CSMD1: variants seen among roughly 807,000 people sequenced by gnomAD.
CSMD1 encodes the protein CUB and sushi domain-containing protein 1.
Under a neutral mutation model 417.5 loss-of-function variants are expected in CSMD1, and 213 were observed. The observed-to-expected ratio is 0.51, with a 90% confidence interval of 0.46 to 0.57. The LOEUF (loss-of-function observed/expected upper bound fraction) is 0.57. Ranked by LOEUF, CSMD1 falls within the 20% of genes least tolerant of loss-of-function variation. CSMD1 has a pLI of 0.00. For missense variants in CSMD1, 6,923 were observed against 4,529.7 expected, an observed-to-expected ratio of 1.53 and a Z score of -15.17; for synonymous variants, 2,862 against 1,736.8, an observed-to-expected ratio of 1.65 and a Z score of -16.11.
intron 1 of CSMD1, among the ~76,000 whole-genome samples, chr8:4,638,315 G>C (rs1017025249): frequency 6.6e-6 from 1 of 152,120 alleles, no homozygotes; most frequent in Non-Finnish European, 1.5e-5. Context: ...GCAATATGTG[G>C]TAATAAGAAT....
At chr8:4,096,866 A>G (rs1039246988) in intron 3 of CSMD1, among the ~76,000 whole-genome samples, 2 of 152,182 alleles carry the variant, frequency 1.3e-5, no homozygotes, top group Admixed American at 6.5e-5. Context: ...GGATTCCTGC[A>G]AAGCCATCTT....
chr8:4,410,831 A>AAAC (rs1796613234), intron 3 of CSMD1, among the ~76,000 whole-genome samples: 1 of 152,188 alleles, frequency 6.6e-6, no homozygotes, highest in Non-Finnish European at 1.5e-5. Flanking sequence ...GTCTCCACCA[A>AAAC]AACATGTTGA....
chr8:3,802,626 C>G (rs1800520548), intron 5 of CSMD1, among the ~76,000 whole-genome samples: 1 of 152,086 alleles, frequency 6.6e-6, no homozygotes, highest in African/African-American at 2.4e-5. Flanking sequence ...AATTTTAAGC[C>G]TTTAGTAATA....
At position 3,642,067 on chromosome 8, in the gene CSMD1, T is replaced by G. The variant is rs948250628; in HGVS notation, c.1010-25270A>C. On this transcript the variant is annotated intron_variant, in intron 7 of 69. Coordinates refer to ENST00000635120, the MANE Select transcript of CSMD1 (RefSeq NM_033225.6). ...CACCTGGAACTTCTACTTCGATGGATACACTGAGGGCAAAGGATACAGCAG... is the reference window on the plus strand; with the variant it reads ...CACCTGGAACTTCTACTTCGATGGAGACACTGAGGGCAAAGGATACAGCAG... 2.0e-5 allele frequency among the ~76,000 whole-genome samples: 3 copies of G among 152,116 alleles called. No homozygotes were observed. The South Asian group carries it at 6.2e-4, about 32-fold the overall frequency.
intron 1 of CSMD1, among the ~76,000 whole-genome samples, chr8:4,677,546 A>G (rs1805774223): frequency 6.6e-6 from 1 of 152,208 alleles, no homozygotes; most frequent in South Asian, 2.1e-4. Context: ...AATCTGCACT[A>G]CATCAAGAAT....
intron 3 of CSMD1, among the ~76,000 whole-genome samples, chr8:4,230,210 C>T (rs1700051): frequency 0.53 from 80,791 of 151,946 alleles, 22,425 homozygotes; most frequent in Non-Finnish European, 0.62. Flanking sequence ...TAGAGTTTCC[C>T]TCTAATCTTA....
chr8:4,303,592 T>C (rs916332911), intron 3 of CSMD1, among the ~76,000 whole-genome samples: 11 of 152,124 alleles, frequency 7.2e-5, no homozygotes, highest in African/African-American at 2.7e-4. Context: ...GTGTGGCACC[T>C]TCTGGACATT....
intron 1 of CSMD1, among the ~76,000 whole-genome samples, chr8:4,742,901 TA>T (rs1029426930): frequency 9.2e-5 from 14 of 152,012 alleles, no homozygotes; most frequent in South Asian, 2.1e-4. Context: ...TCAGAACGGT[TA>T]AAAAAAATCT....
rs1416048319 is a variant in CSMD1 at position 4,994,633 on chromosome 8, C to T, written c.-217G>A. 4 of 473,882 alleles carry T rather than the reference C, an allele frequency of 8.4e-6. No individual in the cohort carries two copies. The highest frequency in any genetic ancestry group is 1.5e-5 in the Non-Finnish European group (4 of 266,980). The allele number at this position is 473,882 out of a possible 1,614,324, so 29.4% of individuals were successfully genotyped here. ...CGAGCCACTGCAGGGCTGAGCTGCT[C>T]CGAGCGCGGAGACCCGGGCTGGCGG... is the stretch of plus-strand genomic sequence containing the variant. On this transcript the variant is annotated 5_prime_UTR_variant, in exon 1 of 70. Coordinates refer to ENST00000635120, the MANE Select transcript of CSMD1 (RefSeq NM_033225.6).
chr8:4,030,298 C>A lies in CSMD1; in HGVS notation c.610+1607G>T, dbSNP rs898951911. On this transcript the variant is annotated intron_variant, in intron 4 of 69. Coordinates refer to ENST00000635120, the MANE Select transcript of CSMD1 (RefSeq NM_033225.6). ...AAAGGTTCTCCATGAGGACCGCCAC[C>A]CATAGCAAACTTCTATCTGGACATC... 5.3e-5 allele frequency among the ~76,000 whole-genome samples: 8 copies of A among 152,204 alleles called. No individual in the cohort carries two copies. In the East Asian group the frequency reaches 1.2e-3, roughly 22 times the overall value.
At chr8:4,932,339 G>GAA (rs5889074) in intron 1 of CSMD1, among the ~76,000 whole-genome samples, 1 of 148,550 alleles carries the variant, frequency 6.7e-6, no homozygotes, top group Admixed American at 6.7e-5. Flanking sequence ...CATATTTCTA[G>GAA]AAAAAAAAAA....
intron 3 of CSMD1, among the ~76,000 whole-genome samples, chr8:4,374,707 A>T (rs1200141752): frequency 2.0e-5 from 3 of 152,122 alleles, no homozygotes; most frequent in African/African-American, 7.2e-5. Context: ...AAGCAGCTGC[A>T]TCCGTGTCTG....
At chr8:3,560,582 AG>A (rs1172533566) in intron 10 of CSMD1, among the ~76,000 whole-genome samples, 1 of 152,150 alleles carries the variant, frequency 6.6e-6, no homozygotes, top group Non-Finnish European at 1.5e-5. Flanking sequence ...TGAATGGGAG[AG>A]GAAGAAGGAA....
At chr8:4,435,768 C>A (rs1013882215) in intron 2 of CSMD1, among the ~76,000 whole-genome samples, 1 of 152,166 alleles carries the variant, frequency 6.6e-6, no homozygotes, top group South Asian at 2.1e-4. Context: ...AAGTACCATA[C>A]CTTTGACAGC....
chr8:4,093,522 G>A (rs781331160), intron 3 of CSMD1, among the ~76,000 whole-genome samples: 3 of 152,136 alleles, frequency 2.0e-5, no homozygotes, highest in Admixed American at 6.5e-5. Context: ...GGAATATAGT[G>A]AAATTTTACA....
At chr8:4,257,686 G>A (rs775165089) in intron 3 of CSMD1, among the ~76,000 whole-genome samples, 5 of 152,178 alleles carry the variant, frequency 3.3e-5, no homozygotes, top group Admixed American at 6.5e-5. Flanking sequence ...GCAGTCTTAG[G>A]TATGGATTCT....
intron 5 of CSMD1, among the ~76,000 whole-genome samples, chr8:3,992,777 T>C (rs1251708832): frequency 1.3e-5 from 2 of 152,308 alleles, no homozygotes; most frequent in East Asian, 1.9e-4. Flanking sequence ...GGAGACCCAG[T>C]ACTAACATTA....
intron 1 of CSMD1, among the ~76,000 whole-genome samples, chr8:4,653,616 G>T (rs1391164427): frequency 1.3e-5 from 2 of 152,100 alleles, no homozygotes; most frequent in African/African-American, 4.8e-5. Context: ...ATAACCACCA[G>T]TGACAGAGAG....
intron 8 of CSMD1, among the ~76,000 whole-genome samples, chr8:3,614,644 T>C (rs541137842): frequency 1.3e-5 from 2 of 152,236 alleles, no homozygotes; most frequent in Non-Finnish European, 2.9e-5. Context: ...GTTTTGTTTT[T>C]AGAATACAGC....
Sources: allele counts gnomAD v4.1 joint callset (sites outside exome capture counted in the v4.1 genomes callset), GRCh38; gene constraint gnomAD v4.1.1; transcripts MANE v1.5; gene names NCBI Gene and HGNC (gene_info 2026-07-23, HGNC 2026-07-21).